The following PTPRN2 variants were observed in gnomAD, a reference collection of about 807,000 sequenced individuals.
PTPRN2 encodes the protein receptor-type tyrosine-protein phosphatase N2.
Under a neutral mutation model 118.8 loss-of-function variants are expected in PTPRN2, and 74 were observed. That is an observed-to-expected ratio of 0.62 (90% CI 0.52 to 0.76). The LOEUF (loss-of-function observed/expected upper bound fraction) is 0.76. Among genes scored for constraint, PTPRN2 ranks in the 30% least tolerant of loss-of-function variants. PTPRN2 has a pLI of 0.00. For missense variants in PTPRN2, 1,481 were observed against 1,394.4 expected (o/e 1.06, Z -0.99); for synonymous variants, 641 against 608.0 (o/e 1.05, Z -0.80).
intron 10 of PTPRN2, among the ~76,000 whole-genome samples, chr7:158,104,304 G>C (rs1312629853): frequency 6.6e-6 from 1 of 152,206 alleles, no homozygotes; most frequent in Non-Finnish European, 1.5e-5. Context: ...GAGGTCAGGT[G>C]AATCTCAGGC....
intron 1 of PTPRN2, among the ~76,000 whole-genome samples, chr7:158,516,219 C>T (rs972529838): frequency 3.9e-5 from 6 of 152,222 alleles, no homozygotes; most frequent in Non-Finnish European, 7.3e-5. Context: ...GGCTCACACA[C>T]CTGTAATCCC....
chr7:158,477,685 A>T (rs1158756905), intron 2 of PTPRN2, among the ~76,000 whole-genome samples: 1 of 152,034 alleles, frequency 6.6e-6, no homozygotes, highest in Admixed American at 6.6e-5. Flanking sequence ...AAAGCAAAAA[A>T]CTCTTTGACA....
At chr7:157,742,197 G>A (rs1416424090) in intron 12 of PTPRN2, among the ~76,000 whole-genome samples, 3 of 152,206 alleles carry the variant, frequency 2.0e-5, no homozygotes, top group African/African-American at 4.8e-5. Flanking sequence ...CAAAGTTATC[G>A]AGGGCTTTTG....
At chr7:158,429,360 G>A (rs1176223408) in intron 2 of PTPRN2, among the ~76,000 whole-genome samples, 1 of 152,220 alleles carries the variant, frequency 6.6e-6, no homozygotes, top group Non-Finnish European at 1.5e-5. Context: ...CTGGTCCTTA[G>A]CAGCTGTTCC....
Position 157,682,714 on chromosome 7 carries a change from T to A in PTPRN2, c.2001+11A>T. 2 of 1,608,496 alleles carry A rather than the reference T, an allele frequency of 1.2e-6. No homozygotes were observed. Among genetic ancestry groups the A allele is most frequent in the Non-Finnish European group, 1.7e-6 (2 of 1,175,892 alleles). On this transcript the variant is annotated intron_variant, in intron 13 of 22. Coordinates refer to ENST00000389418, the MANE Select transcript of PTPRN2 (RefSeq NM_002847.5). ...ATCCGATATACCACTTTTTAAAAAG[T>A]CTCCTCTTACCTGGTAGGCGGCAGT...
intron 1 of PTPRN2, among the ~76,000 whole-genome samples, chr7:158,554,660 G>A (rs1315295535): frequency 6.6e-6 from 1 of 152,164 alleles, no homozygotes; most frequent in Non-Finnish European, 1.5e-5. Context: ...TCTGCTAGTC[G>A]CGGCTCTGGC....
At chr7:158,341,985 A>G (rs1806931624) in intron 2 of PTPRN2, among the ~76,000 whole-genome samples, 1 of 147,432 alleles carries the variant, frequency 6.8e-6, no homozygotes, top group African/African-American at 2.5e-5. Flanking sequence ...CCACACTCTC[A>G]CCATAAGAGG....
At chr7:158,421,873 G>T (rs1213239983) in intron 2 of PTPRN2, among the ~76,000 whole-genome samples, 2 of 152,112 alleles carry the variant, frequency 1.3e-5, no homozygotes, top group Admixed American at 6.5e-5. Context: ...ATTTTTATTA[G>T]CCCTAAGGTT....
At chr7:158,127,146 C>T (rs1284828202) in intron 9 of PTPRN2, among the ~76,000 whole-genome samples, 2 of 152,212 alleles carry the variant, frequency 1.3e-5, no homozygotes, top group East Asian at 1.9e-4. Flanking sequence ...GCACATTCTT[C>T]CCTCAGCCGG....
intron 2 of PTPRN2, among the ~76,000 whole-genome samples, chr7:158,418,482 C>T (rs531255921): frequency 2.7e-5 from 4 of 150,632 alleles, no homozygotes; most frequent in East Asian, 2.0e-4. Context: ...TGTACTACAT[C>T]GACATGCTCT....
chr7:157,851,292 G>A (rs180920511), intron 12 of PTPRN2, among the ~76,000 whole-genome samples: 5 of 152,300 alleles, frequency 3.3e-5, no homozygotes, highest in African/African-American at 1.2e-4. Context: ...TATCAGCAGA[G>A]AATCTAAATT....
intron 5 of PTPRN2, among the ~76,000 whole-genome samples, chr7:158,183,830 T>A (rs1342867554): frequency 6.6e-6 from 1 of 152,214 alleles, no homozygotes; most frequent in Non-Finnish European, 1.5e-5. Flanking sequence ...TGGTTTCTTT[T>A]AGTTTTCCTG....
chr7:157,565,522 C>G (rs1159688412), intron 21 of PTPRN2, among the ~76,000 whole-genome samples: 1 of 152,144 alleles, frequency 6.6e-6, no homozygotes, highest in Non-Finnish European at 1.5e-5. Flanking sequence ...GGCGCAGACC[C>G]TGGTGGGAAT....
chr7:158,071,165 GAGGTGCTCTTAGTA>G lies in PTPRN2; in HGVS notation c.1723+10119_1723+10132del, dbSNP rs1401330289. The stretch of plus-strand genomic sequence containing the variant: ...CGTGGTGGTGGAGGTGCTCGTGGTG[GAGGTGCTCTTAGTA>G]TGGAGGTGCTCATGGTGGTGGAGGT... On this transcript the variant is annotated intron_variant, in intron 11 of 22. Transcript: ENST00000389418. Among the ~76,000 whole-genome samples the G allele has an allele frequency of 2.5e-3, 77 of 30,748 alleles. 2 individuals are homozygous for G. The highest frequency in any genetic ancestry group is 4.4e-3 in the South Asian group (2 of 454). The allele number at this position is 30,748 out of a possible 152,430, so 20.2% of individuals were successfully genotyped here.
At position 157,585,059 on chromosome 7, in the gene PTPRN2, A is replaced by G. The variant is rs1262035782; in HGVS notation, c.2497-6919T>C. Among the ~76,000 whole-genome samples, 1 of 150,894 alleles carries G rather than the reference A, an allele frequency of 6.6e-6. No homozygotes were observed. The highest frequency in any genetic ancestry group is 2.5e-5 in the African/African-American group (1 of 40,228). On this transcript the variant is annotated intron_variant, in intron 17 of 22. Transcript: ENST00000389418. This position sits in a 1 kb window ranked among gnomAD's most constrained non-coding sequence, Gnocchi z 5.2. ...CCTACCTGGCTTTTTTTTAGTAAACAAATATCTCAGTGTGGGATTCATTTA... is the reference window on the plus strand; with the variant it reads ...CCTACCTGGCTTTTTTTTAGTAAACGAATATCTCAGTGTGGGATTCATTTA...
At chr7:158,155,184 A>G (rs1218467611) in intron 6 of PTPRN2, among the ~76,000 whole-genome samples, 2 of 152,226 alleles carry the variant, frequency 1.3e-5, no homozygotes, top group African/African-American at 2.4e-5. Flanking sequence ...ATCAGCTCAC[A>G]TGACTCTGCA....
intron 2 of PTPRN2, among the ~76,000 whole-genome samples, chr7:158,448,701 C>G (rs1817896603): frequency 6.6e-6 from 1 of 152,198 alleles, no homozygotes; most frequent in South Asian, 2.1e-4. Flanking sequence ...GCTCCCAGGG[C>G]AGGCCCCAGT....
intron 11 of PTPRN2, among the ~76,000 whole-genome samples, chr7:158,008,052 G>A (rs28655116): frequency 0.8 from 109,229 of 136,724 alleles, 43,361 homozygotes; most frequent in East Asian, 0.86. Context: ...TGTGTGTGGA[G>A]GTGTGCTGTG....
chr7:157,807,882 T>A (rs1410695121), intron 12 of PTPRN2, among the ~76,000 whole-genome samples: 1 of 152,300 alleles, frequency 6.6e-6, no homozygotes, highest in East Asian at 1.9e-4. Context: ...GGGATGGATG[T>A]TTACGTGGGT....
Sources: allele counts gnomAD v4.1 joint callset (sites outside exome capture counted in the v4.1 genomes callset), GRCh38; gene constraint gnomAD v4.1.1; non-coding constraint Gnocchi (gnomAD v3.1); transcripts MANE v1.5; gene names NCBI Gene and HGNC (gene_info 2026-07-23, HGNC 2026-07-21).